NTM: variants seen among roughly 807,000 people sequenced by gnomAD.
NTM encodes IgLON family member 2.
In NTM, 13 loss-of-function variants were observed where a neutral mutation model predicts 42.1. The observed-to-expected ratio is 0.31, with a 90% CI of 0.20 to 0.49. NTM has a LOEUF of 0.49. Among genes scored for constraint, NTM ranks in the 20% least tolerant of loss-of-function variants. NTM has a pLI of 0.99. For synonymous variants in NTM, 187 were observed against 179.2 expected (o/e 1.04, Z -0.35); for missense variants, 373 against 452.8 (o/e 0.82, Z 1.60).
intron 3 of NTM, among the ~76,000 whole-genome samples, chr11:132,166,651 A>G (rs1331286567): frequency 1.3e-5 from 2 of 152,230 alleles, no homozygotes; most frequent in African/African-American, 4.8e-5. Context: ...TTAATCAGTC[A>G]GTGGCAATTT....
At chr11:131,945,707 G>A (rs2060267628) in intron 2 of NTM, among the ~76,000 whole-genome samples, 1 of 152,188 alleles carries the variant, frequency 6.6e-6, no homozygotes, top group Admixed American at 6.5e-5. Flanking sequence ...TCCCTGTGGG[G>A]TAGTCTCAGA....
At chr11:131,826,486 A>C (rs971147581) in intron 1 of NTM, among the ~76,000 whole-genome samples, 1 of 151,862 alleles carries the variant, frequency 6.6e-6, no homozygotes, top group Non-Finnish European at 1.5e-5. Flanking sequence ...CACAGAGCCA[A>C]GGTTGCAGAC....
At chr11:131,707,469 T>A (rs926872799) in intron 1 of NTM, among the ~76,000 whole-genome samples, 7 of 152,134 alleles carry the variant, frequency 4.6e-5, no homozygotes, top group Non-Finnish European at 1.0e-4. Flanking sequence ...ATTGCAGGTA[T>A]CTCTTCAATA....
chr11:132,328,766 TC>T (rs2095739787), intron 7 of NTM, among the ~76,000 whole-genome samples: 1 of 151,964 alleles, frequency 6.6e-6, no homozygotes, highest in African/African-American at 2.4e-5. Flanking sequence ...ACAGAGAGGA[TC>T]AAAAATCACC....
intron 2 of NTM, among the ~76,000 whole-genome samples, chr11:132,131,315 C>T (rs1179731892): frequency 6.6e-6 from 1 of 152,170 alleles, no homozygotes; most frequent in Non-Finnish European, 1.5e-5. Flanking sequence ...GGACAGATGC[C>T]TGCTGCAGTG....
chr11:131,603,204 T>A (rs1302408442), intron 1 of NTM, among the ~76,000 whole-genome samples: 3 of 152,160 alleles, frequency 2.0e-5, no homozygotes, highest in African/African-American at 7.2e-5. Context: ...GTGCCATTTA[T>A]CATTTTATTC....
At chr11:131,913,644 C>A (rs1300293555) in intron 2 of NTM, among the ~76,000 whole-genome samples, 2 of 152,166 alleles carry the variant, frequency 1.3e-5, no homozygotes, top group African/African-American at 2.4e-5. Context: ...TCTTTCAGCA[C>A]TAATGTTTGT....
chr11:131,615,677 G>A (rs754160198), intron 1 of NTM, among the ~76,000 whole-genome samples: 38 of 152,186 alleles, frequency 2.5e-4, no homozygotes, highest in Non-Finnish European at 5.1e-4. Flanking sequence ...GCCGTAGCAA[G>A]TTCTTAATGA....
intron 1 of NTM, among the ~76,000 whole-genome samples, chr11:131,835,025 C>T (rs1300893546): frequency 1.3e-5 from 2 of 152,078 alleles, no homozygotes; most frequent in Non-Finnish European, 2.9e-5. Flanking sequence ...GTATTGTTCT[C>T]AATACTGAAA....
At chr11:132,179,843 G>A (rs1005413533) in intron 3 of NTM, among the ~76,000 whole-genome samples, 1 of 152,122 alleles carries the variant, frequency 6.6e-6, no homozygotes, top group Non-Finnish European at 1.5e-5. Flanking sequence ...TTCCTTGACT[G>A]GGGGGTAGCA....
chr11:131,745,444 T>C lies in NTM; in HGVS notation c.83-166120T>C, dbSNP rs188194450. ...AAAGTGTAAAAGCCCTGTGCAAACA[T>C]TGTAGTATCAGAATCGCTATTTTTG... On this transcript the variant is annotated intron_variant, in intron 1 of 8. Coordinates refer to ENST00000683400, the MANE Select transcript of NTM (RefSeq NM_001352005.2). Among the ~76,000 whole-genome samples the C allele has an allele frequency of 3.7e-3, 566 of 152,316 alleles. 2 individuals are homozygous for C. Among genetic ancestry groups the C allele is most frequent in the Admixed American group, 6.7e-3 (103 of 15,302 alleles).
At chr11:131,804,480 A>T (rs960727943) in intron 1 of NTM, among the ~76,000 whole-genome samples, 1 of 152,136 alleles carries the variant, frequency 6.6e-6, no homozygotes, top group Admixed American at 6.5e-5. Context: ...TTTCCTGAAC[A>T]TCCACACTCA....
At chr11:131,669,815 A>C (rs2069790965) in intron 1 of NTM, among the ~76,000 whole-genome samples, 1 of 152,218 alleles carries the variant, frequency 6.6e-6, no homozygotes, top group Non-Finnish European at 1.5e-5. Context: ...AGTATCCTGC[A>C]GCTCCGTGGT....
rs1231436383 is a variant in NTM at position 132,057,221 on chromosome 11, C to A, written c.168-89061C>A. Among the ~76,000 whole-genome samples, 4 of 151,906 alleles carry A rather than the reference C, an allele frequency of 2.6e-5. No individual in the cohort carries two copies. In the East Asian group the frequency reaches 7.7e-4, roughly 29 times the overall value. On this transcript the variant is annotated intron_variant, in intron 2 of 8. Coordinates refer to ENST00000683400, the MANE Select transcript of NTM (RefSeq NM_001352005.2). ...GAAAAAAGAAAAGAAAGAGAACAGACACAATGCAGTAAATATTGTCAGAGA... is the reference window on the plus strand; with the variant it reads ...GAAAAAAGAAAAGAAAGAGAACAGAAACAATGCAGTAAATATTGTCAGAGA...
At chr11:131,631,249 G>T (rs1323145689) in intron 1 of NTM, among the ~76,000 whole-genome samples, 1 of 152,198 alleles carries the variant, frequency 6.6e-6, no homozygotes, top group Non-Finnish European at 1.5e-5. Context: ...TGAAAAGCAC[G>T]TAGCTTACTA....
intron 1 of NTM, among the ~76,000 whole-genome samples, chr11:131,605,203 T>C (rs78046777): frequency 0.015 from 2,358 of 152,336 alleles, 59 homozygotes; most frequent in African/African-American, 0.054. Flanking sequence ...TGACTTTTCA[T>C]TTACTTGGGT....
intron 1 of NTM, among the ~76,000 whole-genome samples, chr11:131,645,202 A>G (rs1360371850): frequency 2.6e-5 from 4 of 152,140 alleles, no homozygotes; most frequent in Non-Finnish European, 4.4e-5. Context: ...TAAAGTAACC[A>G]CCCCAAGGTG....
chr11:131,432,839 C>CATTTTTTTTTTTTTTTTTTTTTTTTTT lies in NTM; in HGVS notation c.82+61951_82+61952insATTTTTTTTTTTTTTTTTTTTTTTTTT, dbSNP rs1565494793. ...CTACAAAAGATGAAGATTTAGCATT[C>CATTTTTTTTTTTTTTTTTTTTTTTTTT]TTTTTTTTTTTTTTTTTTTTTTTTT... On this transcript the variant is annotated intron_variant, in intron 1 of 8. Transcript: ENST00000683400. 8.7e-4 allele frequency among the ~76,000 whole-genome samples: 60 copies of CATTTTTTTTTTTTTTTTTTTTTTTTTT among 68,694 alleles called. 3 individuals are homozygous for CATTTTTTTTTTTTTTTTTTTTTTTTTT. The highest frequency in any genetic ancestry group is 1.1e-3 in the Non-Finnish European group (41 of 38,802). 45.1% of individuals were successfully genotyped at this position (68,694 alleles called of 152,430 possible).
chr11:132,063,244 A>G (rs1479209472), intron 2 of NTM, among the ~76,000 whole-genome samples: 1 of 152,184 alleles, frequency 6.6e-6, no homozygotes, highest in Non-Finnish European at 1.5e-5. Flanking sequence ...CTCCTCCTCC[A>G]AATACCCTTG....
Sources: allele counts gnomAD v4.1 joint callset (sites outside exome capture counted in the v4.1 genomes callset), GRCh38; gene constraint gnomAD v4.1.1; transcripts MANE v1.5; gene names NCBI Gene and HGNC (gene_info 2026-07-23, HGNC 2026-07-21).